The following FBXL2 variants were observed in gnomAD, a reference collection of about 807,000 sequenced individuals.
FBXL2 encodes F-box/LRR-repeat protein 2.
Under a neutral mutation model 69.2 loss-of-function variants are expected in FBXL2, and 38 were observed. The ratio of observed to expected loss-of-function variants is 0.55; its 90% CI spans 0.42 to 0.72. The LOEUF is 0.72. Ranked by LOEUF, FBXL2 falls within the 30% of genes least tolerant of loss-of-function variation. FBXL2 has a pLI of 0.00. For missense variants in FBXL2, 354 were observed against 520.3 expected (o/e 0.68, Z 3.11); for synonymous variants, 192 against 201.3 (o/e 0.95, Z 0.39).
intron 2 of FBXL2, among the ~76,000 whole-genome samples, chr3:33,342,713 T>TC (rs2040134767): frequency 3.6e-5 from 2 of 55,416 alleles, no homozygotes; most frequent in African/African-American, 2.1e-4. Flanking sequence ...TATAACTTCT[T>TC]TTTTTTTTTT....
At position 33,375,273 on chromosome 3, in the gene FBXL2, G is replaced by C. The variant is rs939655427; in HGVS notation, c.658-15G>C. ...GGTGTCCTCTGACTTTTCTTTCTGTGCTGCTTTTCCTCAGCGTATCACGGA... is the reference window on the plus strand; with the variant it reads ...GGTGTCCTCTGACTTTTCTTTCTGTCCTGCTTTTCCTCAGCGTATCACGGA... On this transcript the variant is annotated splice_polypyrimidine_tract_variant and intron_variant, in intron 9 of 14. Transcript: ENST00000484457. 1 of 1,607,182 alleles carries C rather than the reference G, an allele frequency of 6.2e-7. No homozygotes were observed. Among genetic ancestry groups the C allele is most frequent in the Non-Finnish European group, 8.5e-7 (1 of 1,174,204 alleles).
At chr3:33,331,328 G>C (rs1416568597) in intron 2 of FBXL2, among the ~76,000 whole-genome samples, 9 of 152,000 alleles carry the variant, frequency 5.9e-5, no homozygotes, top group African/African-American at 2.2e-4. Context: ...CCAGTTACAG[G>C]TATCCTAAGA....
At chr3:33,317,899 T>A (rs1448279813) in intron 2 of FBXL2, among the ~76,000 whole-genome samples, 2 of 152,210 alleles carry the variant, frequency 1.3e-5, no homozygotes, top group Non-Finnish European at 2.9e-5. Flanking sequence ...ATTTTAGATT[T>A]CAGATTTTTG....
chr3:33,374,804 T>G (rs987449954), intron 9 of FBXL2, among the ~76,000 whole-genome samples: 2 of 152,150 alleles, frequency 1.3e-5, no homozygotes, highest in African/African-American at 4.8e-5. Flanking sequence ...GTGATTTATT[T>G]AATTTTCCTA....
At chr3:33,293,214 T>C (rs1487510298) in intron 1 of FBXL2, among the ~76,000 whole-genome samples, 1 of 152,238 alleles carries the variant, frequency 6.6e-6, no homozygotes, top group East Asian at 1.9e-4. Flanking sequence ...AGCTACCATT[T>C]GTTAAGCACT....
At chr3:33,397,169 A>G in intron 12 of FBXL2, 1 of 1,507,788 alleles carries the variant, frequency 6.6e-7, no homozygotes, top group Non-Finnish European at 9.0e-7. Flanking sequence ...TCTCAAATAA[A>G]TGGAAAAAGA....
At chr3:33,368,390 A>C (rs547655454) in intron 5 of FBXL2, among the ~76,000 whole-genome samples, 2 of 152,360 alleles carry the variant, frequency 1.3e-5, no homozygotes, top group East Asian at 3.9e-4. Context: ...TACTATGTAT[A>C]TAAACATTTA....
intron 2 of FBXL2, among the ~76,000 whole-genome samples, chr3:33,330,557 C>T (rs1181892661): frequency 6.6e-6 from 1 of 152,056 alleles, no homozygotes; most frequent in Non-Finnish European, 1.5e-5. Flanking sequence ...ATCCCAAGTA[C>T]CCTGACTTGA....
upstream of FBXL2, among the ~76,000 whole-genome samples, chr3:33,277,252 G>A (rs1202903525): frequency 2.0e-5 from 3 of 152,068 alleles, no homozygotes; most frequent in Non-Finnish European, 4.4e-5. Flanking sequence ...GTCAGGTGAG[G>A]GACATCAAGG....
At chr3:33,393,303 T>G (rs756602268) in intron 12 of FBXL2, 9 of 1,590,262 alleles carry the variant, frequency 5.7e-6, no homozygotes, top group Non-Finnish European at 7.7e-6. Context: ...AACAAATGAT[T>G]TGATTTACCT....
At chr3:33,322,211 G>A (rs2038293587) in intron 2 of FBXL2, among the ~76,000 whole-genome samples, 1 of 151,364 alleles carries the variant, frequency 6.6e-6, no homozygotes, top group African/African-American at 2.4e-5. Flanking sequence ...CCGAGTAGCT[G>A]GGACTACCGG....
rs768226571 is a variant in FBXL2 at position 33,373,966 on chromosome 3, TC to T, written c.657+48del. ...TGAACACTGTTTGCTCTATCTTGTCTCCCAAAGCAGTCTGCCTCAGGCCTCC... is the reference window on the plus strand; with the variant it reads ...TGAACACTGTTTGCTCTATCTTGTCTCCAAAGCAGTCTGCCTCAGGCCTCC... On this transcript the variant is annotated intron_variant, in intron 9 of 14. Transcript: ENST00000484457. 3 of 1,597,952 alleles carry T rather than the reference TC, an allele frequency of 1.9e-6. No homozygotes were observed. In the African/African-American group the frequency reaches 4.0e-5, roughly 21 times the overall value.
At chr3:33,320,792 TAAAACATGACACA>T (rs1575183004) in intron 2 of FBXL2, among the ~76,000 whole-genome samples, 1 of 152,172 alleles carries the variant, frequency 6.6e-6, no homozygotes, top group East Asian at 1.9e-4. Flanking sequence ...AAAGTATTTC[TAAAACATGACACA>T]AAAATTGTTT....
chr3:33,287,710 G>C (rs1370030469), intron 1 of FBXL2, among the ~76,000 whole-genome samples: 1 of 152,210 alleles, frequency 6.6e-6, no homozygotes, highest in East Asian at 1.9e-4. Context: ...CATATAGTTA[G>C]TGAGTGGCAG....
At chr3:33,289,664 C>A in intron 1 of FBXL2, 1 of 701,692 alleles carries the variant, frequency 1.4e-6, no homozygotes, top group Non-Finnish European at 1.8e-6. Flanking sequence ...GTTTGGAATC[C>A]TGAGGAGTTC....
At chr3:33,290,561 C>T (rs930822304) in intron 1 of FBXL2, among the ~76,000 whole-genome samples, 1 of 151,960 alleles carries the variant, frequency 6.6e-6, no homozygotes, top group Non-Finnish European at 1.5e-5. Context: ...ACTATTTCTC[C>T]AAGTAGAAAT....
chr3:33,403,943 C>G (rs1313759688), downstream of FBXL2, among the ~76,000 whole-genome samples: 1 of 152,120 alleles, frequency 6.6e-6, no homozygotes, highest in African/African-American at 2.4e-5. Flanking sequence ...AACTATAGCC[C>G]TGGGGTTTAA....
chr3:33,280,713 CAAAA>C (rs34093056), intron 1 of FBXL2, among the ~76,000 whole-genome samples: 6 of 81,440 alleles, frequency 7.4e-5, no homozygotes, highest in African/African-American at 2.5e-4. Context: ...GCCCTGTATC[CAAAA>C]AAAAAAAAAA....
At chr3:33,337,537 A>AT (rs774330208) in intron 2 of FBXL2, among the ~76,000 whole-genome samples, 3 of 152,344 alleles carry the variant, frequency 2.0e-5, no homozygotes, top group Non-Finnish European at 2.9e-5. Flanking sequence ...TAAATTATTC[A>AT]TGGAAGGATA....
Sources: allele counts gnomAD v4.1 joint callset (sites outside exome capture counted in the v4.1 genomes callset), GRCh38; gene constraint gnomAD v4.1.1; transcripts MANE v1.5; gene names NCBI Gene and HGNC (gene_info 2026-07-23, HGNC 2026-07-21).